Variants in MINDY3 observed in about 807,000 individuals in gnomAD.
MINDY3 encodes MINDY lysine 48 deubiquitinase 3.
Under a neutral mutation model 69.2 loss-of-function variants are expected in MINDY3, and 38 were observed. That is an observed-to-expected ratio of 0.55 (90% CI 0.42 to 0.72). The LOEUF is 0.72. Among genes scored for constraint, MINDY3 ranks in the 30% least tolerant of loss-of-function variants. MINDY3 has a pLI of 0.00. For synonymous variants in MINDY3, 192 were observed against 180.1 expected, an observed-to-expected ratio of 1.07 and a Z score of -0.53; for missense variants, 522 against 519.0, an observed-to-expected ratio of 1.01 and a Z score of -0.06.
intron 9 of MINDY3, among the ~76,000 whole-genome samples, chr10:15,820,827 A>C (rs1454339247): frequency 6.6e-6 from 1 of 152,220 alleles, no homozygotes; most frequent in Non-Finnish European, 1.5e-5. Flanking sequence ...AAGGAAGGTC[A>C]GGTGCCTTAG....
chr10:15,851,210 T>C (rs986099307), intron 1 of MINDY3, among the ~76,000 whole-genome samples: 5 of 152,198 alleles, frequency 3.3e-5, no homozygotes, highest in African/African-American at 1.2e-4. Context: ...GTCTTGGTTT[T>C]AGGATCTATG....
intron 1 of MINDY3, among the ~76,000 whole-genome samples, 174 bp downstream of exon 1, chr10:15,860,032 C>T (rs1215300022): frequency 6.6e-6 from 1 of 152,242 alleles, no homozygotes; most frequent in Non-Finnish European, 1.5e-5. Flanking sequence ...CCTACTCAAA[C>T]TCTCCCCACC....
At chr10:15,799,298 C>T (rs1838081480) in intron 10 of MINDY3, among the ~76,000 whole-genome samples, 1 of 152,070 alleles carries the variant, frequency 6.6e-6, no homozygotes, top group South Asian at 2.1e-4. Context: ...CTCCCAGGTT[C>T]AAGCAAATCT....
At chr10:15,816,086 C>T (rs763491734) in intron 10 of MINDY3, among the ~76,000 whole-genome samples, 51 of 151,598 alleles carry the variant, frequency 3.4e-4, no homozygotes, top group Admixed American at 2.0e-4. Flanking sequence ...GCCAACATGG[C>T]GAAACTGTCT....
intron 8 of MINDY3, among the ~76,000 whole-genome samples, chr10:15,828,578 TA>T (rs57020273): frequency 2.1e-3 from 306 of 144,772 alleles, no homozygotes; most frequent in East Asian, 7.8e-3. Flanking sequence ...AAGCTATAAG[TA>T]AAAAAAAAAA....
At chr10:15,779,207 A>G (rs1836326452) in intron 14 of MINDY3, 66 bp from the exon 15 acceptor site, 1 of 1,453,342 alleles carries the variant, frequency 6.9e-7, no homozygotes, top group African/African-American at 1.4e-5. Context: ...GTGGAATGAA[A>G]ACAATTTTTA....
Position 15,860,386 on chromosome 10 carries a change from G to A in MINDY3, c.-87C>T. On this transcript the variant is annotated 5_prime_UTR_variant, in exon 1 of 15. Transcript: ENST00000277632. ...GGCAACTCCGGAAACAGCAGCTGCG[G>A]GACGGCGGCGGCAAACGAATTGGAA... 1.0e-6 allele frequency: 1 copy of A among 958,776 alleles called. No individual in the cohort carries two copies. Among genetic ancestry groups the A allele is most frequent in the Admixed American group, 2.1e-5 (1 of 47,248 alleles). 59.4% of individuals were successfully genotyped at this position (958,776 alleles called of 1,614,324 possible).
chr10:15,818,069 C>T (rs1018226894), intron 9 of MINDY3: 3 of 152,056 alleles, frequency 2.0e-5, no homozygotes, highest in East Asian at 1.9e-4. Context: ...CCAGAGTGGA[C>T]GAGGATTTTA....
chr10:15,833,963 G>C (rs1398247532), intron 7 of MINDY3, among the ~76,000 whole-genome samples: 1 of 151,716 alleles, frequency 6.6e-6, no homozygotes, highest in South Asian at 2.1e-4. Flanking sequence ...TATTTAAATG[G>C]ATAAAAAATG....
At chr10:15,833,447 T>C (rs112496373) in intron 8 of MINDY3, among the ~76,000 whole-genome samples, 183 bp downstream of exon 8, 2,623 of 152,262 alleles carry the variant, frequency 0.017, 60 homozygotes, top group African/African-American at 0.057. Flanking sequence ...AACCCAAGAT[T>C]GCCTGGCTCC....
chr10:15,858,405 T>C (rs1463610904), intron 1 of MINDY3, among the ~76,000 whole-genome samples: 2 of 152,358 alleles, frequency 1.3e-5, no homozygotes, highest in South Asian at 2.1e-4. Flanking sequence ...CAACTTATTG[T>C]AATTGTCAGG....
chr10:15,828,994 G>A (rs1588607681), intron 8 of MINDY3, among the ~76,000 whole-genome samples: 1 of 152,180 alleles, frequency 6.6e-6, no homozygotes, highest in South Asian at 2.1e-4. Flanking sequence ...TTGTTGTAAA[G>A]ATTAAGATCC....
At chr10:15,785,666 G>C (rs1381538372) in intron 13 of MINDY3, among the ~76,000 whole-genome samples, 2 of 152,108 alleles carry the variant, frequency 1.3e-5, no homozygotes, top group Non-Finnish European at 2.9e-5. Flanking sequence ...AGTCTACATT[G>C]TCTACATTGT....
chr10:15,852,228 T>G (rs139127950), intron 1 of MINDY3, among the ~76,000 whole-genome samples: 4 of 152,166 alleles, frequency 2.6e-5, no homozygotes, highest in Admixed American at 1.3e-4. Flanking sequence ...TTTCCCACAG[T>G]ATGTTTACAA....
rs1008725664 is a variant in MINDY3 at position 15,860,303 on chromosome 10, G to C, written c.-4C>G. ...GCTCTTTAGTCAGTTCGGACATGAT[G>C]AGGAACCGGCGGGCGGATCTTCGCT... On this transcript the variant is annotated 5_prime_UTR_variant, in exon 1 of 15. It introduces an in-frame stop codon into an upstream open reading frame of the 5' UTR. Transcript: ENST00000277632. 9.4e-6 allele frequency: 15 copies of C among 1,596,434 alleles called. No individual in the cohort carries two copies. Among genetic ancestry groups the C allele is most frequent in the Non-Finnish European group, 1.3e-5 (15 of 1,170,808 alleles).
rs188296468 is a variant in MINDY3 at position 15,828,121 on chromosome 10, A to C, written c.730+5509T>G. ...AAAGAAACACTAAAATATACATCTC[A>C]TAAAAACTTGTACATGAATGTACCT... is the stretch of plus-strand genomic sequence containing the variant. On this transcript the variant is annotated intron_variant, in intron 8 of 14. Transcript: ENST00000277632. Among the ~76,000 whole-genome samples the C allele has an allele frequency of 2.0e-5, 3 of 152,330 alleles. No homozygotes were observed. The East Asian group carries it at 5.8e-4, about 29-fold the overall frequency.
intron 10 of MINDY3, among the ~76,000 whole-genome samples, chr10:15,808,283 T>A (rs1838768772): frequency 6.6e-6 from 1 of 152,192 alleles, no homozygotes; most frequent in Non-Finnish European, 1.5e-5. Flanking sequence ...TCTCAATATA[T>A]GCACAAACTC....
chr10:15,857,819 G>A, intron 1 of MINDY3: 1 of 458,750 alleles, frequency 2.2e-6, no homozygotes, highest in Non-Finnish European at 2.9e-6. Context: ...CATATCAAAA[G>A]AATTTAACTT....
At chr10:15,831,676 T>C (rs927192665) in intron 8 of MINDY3, among the ~76,000 whole-genome samples, 1 of 145,252 alleles carries the variant, frequency 6.9e-6, no homozygotes, top group Admixed American at 6.8e-5. Context: ...TCCTTTTCTT[T>C]TTTTTTTTTT....
Sources: gnomAD v4.1 joint callset for allele counts (sites outside exome capture counted in the v4.1 genomes callset) on GRCh38, gnomAD v4.1.1 for gene constraint, MANE v1.5 for transcripts, NCBI Gene and HGNC (gene_info 2026-07-23, HGNC 2026-07-21) for gene names.